Variants in MACROD2 observed in about 807,000 individuals in gnomAD.
MACROD2 encodes the protein ADP-ribose glycohydrolase MACROD2.
A neutral mutation model predicts 70.4 loss-of-function variants in MACROD2; 36 were observed. That is an observed-to-expected ratio of 0.51 (90% CI 0.39 to 0.68). The LOEUF (loss-of-function observed/expected upper bound fraction) is 0.68, where lower values mean the gene tolerates loss of function less well. Ranked by LOEUF, MACROD2 falls within the 30% of genes least tolerant of loss-of-function variation. The probability of loss-of-function intolerance (pLI) is 0.00; values close to 1 mark genes in which losing one functional copy is unlikely to be tolerated. For missense variants in MACROD2, 496 were observed against 538.4 expected, an observed-to-expected ratio of 0.92 and a Z score of 0.78; for synonymous variants, 172 against 178.8, an observed-to-expected ratio of 0.96 and a Z score of 0.30.
intron 8 of MACROD2, among the ~76,000 whole-genome samples, chr20:15,797,483 A>G (rs548047034): frequency 1.3e-5 from 2 of 152,236 alleles, no homozygotes; most frequent in South Asian, 4.1e-4. Flanking sequence ...GCCTCCTACC[A>G]GCATCACAAG....
intron 2 of MACROD2, among the ~76,000 whole-genome samples, chr20:14,060,692 A>G (rs930073204): frequency 5.3e-5 from 8 of 152,102 alleles, no homozygotes; most frequent in African/African-American, 1.4e-4. Flanking sequence ...CACTTATGCT[A>G]TTATGTTATT....
intron 3 of MACROD2, among the ~76,000 whole-genome samples, chr20:14,379,416 T>C (rs2083401759): frequency 6.6e-6 from 1 of 152,156 alleles, no homozygotes; most frequent in Admixed American, 6.5e-5. Flanking sequence ...ATTCGATGGG[T>C]TTTTGTTCAT....
At chr20:14,125,500 A>T (rs1278565878) in intron 3 of MACROD2, among the ~76,000 whole-genome samples, 1 of 152,164 alleles carries the variant, frequency 6.6e-6, no homozygotes, top group East Asian at 1.9e-4. Context: ...TTCAGTAAAG[A>T]TAAACAAAAA....
chr20:14,567,654 A>G (rs1386837952), intron 4 of MACROD2, among the ~76,000 whole-genome samples: 1 of 152,040 alleles, frequency 6.6e-6, no homozygotes, highest in Non-Finnish European at 1.5e-5. Flanking sequence ...CTCCTCCTTT[A>G]AAGTGTATTG....
intron 6 of MACROD2, among the ~76,000 whole-genome samples, chr20:15,302,381 C>T (rs63419061): frequency 2.7e-4 from 2 of 7,328 alleles, no homozygotes; most frequent in Admixed American, 1.8e-3. Flanking sequence ...CACACACACA[C>T]ATACACACAT....
chr20:15,401,141 C>T (rs893045902), intron 6 of MACROD2, among the ~76,000 whole-genome samples: 3 of 151,938 alleles, frequency 2.0e-5, no homozygotes, highest in Admixed American at 6.6e-5. Context: ...AGGTTCACGC[C>T]ATTCTCCTGC....
intron 4 of MACROD2, among the ~76,000 whole-genome samples, chr20:14,660,995 A>C (rs1169537155): frequency 6.6e-6 from 1 of 152,124 alleles, no homozygotes; most frequent in South Asian, 2.1e-4. Flanking sequence ...TATTGTGAAT[A>C]GTGCTGGGGT....
chr20:15,589,360 T>G (rs1048644774), intron 8 of MACROD2, among the ~76,000 whole-genome samples: 13 of 152,184 alleles, frequency 8.5e-5, no homozygotes, highest in African/African-American at 2.9e-4. Context: ...TTTATAAAAT[T>G]TTGTTAATAA....
At chr20:15,304,508 G>T (rs1015804329) in intron 6 of MACROD2, among the ~76,000 whole-genome samples, 2 of 152,168 alleles carry the variant, frequency 1.3e-5, no homozygotes, top group Non-Finnish European at 2.9e-5. Flanking sequence ...TCTTCAAACA[G>T]CCTGATCAAC....
At chr20:14,562,569 A>G (rs1021853613) in intron 4 of MACROD2, among the ~76,000 whole-genome samples, 1 of 151,880 alleles carries the variant, frequency 6.6e-6, no homozygotes, top group African/African-American at 2.4e-5. Flanking sequence ...TGGCAACAAA[A>G]ATGAGGCCTA....
At chr20:15,120,938 C>G (rs908938440) in intron 5 of MACROD2, among the ~76,000 whole-genome samples, 1 of 152,170 alleles carries the variant, frequency 6.6e-6, no homozygotes, top group Non-Finnish European at 1.5e-5. Context: ...ACCATTAACA[C>G]CATACCTGTA....
chr20:14,584,616 T>G (rs1049954026), intron 4 of MACROD2, among the ~76,000 whole-genome samples: 1 of 152,142 alleles, frequency 6.6e-6, no homozygotes, highest in Non-Finnish European at 1.5e-5. Flanking sequence ...AAGGCCCCAC[T>G]TCCAAATACC....
chr20:14,790,354 A>G, intron 5 of MACROD2, among the ~76,000 whole-genome samples: 1 of 152,044 alleles, frequency 6.6e-6, no homozygotes, highest in South Asian at 2.1e-4. Flanking sequence ...AAGTATAGGT[A>G]GTGTGTTTTT....
chr20:15,863,608 G>A (rs1327194657), intron 9 of MACROD2, among the ~76,000 whole-genome samples: 1 of 152,202 alleles, frequency 6.6e-6, no homozygotes, highest in Non-Finnish European at 1.5e-5. Context: ...GCTACTGTGA[G>A]CATTGTTGGT....
intron 5 of MACROD2, among the ~76,000 whole-genome samples, chr20:15,125,711 T>C (rs2076061449): frequency 6.6e-6 from 1 of 152,062 alleles, no homozygotes; most frequent in African/African-American, 2.4e-5. Flanking sequence ...TTACATATAG[T>C]AATACTCACC....
chr20:15,210,972 T>C (rs1244434474), intron 5 of MACROD2, among the ~76,000 whole-genome samples: 4 of 152,210 alleles, frequency 2.6e-5, no homozygotes, highest in Non-Finnish European at 5.9e-5. Context: ...AATACAGCTT[T>C]TTTCAAACGT....
At chr20:15,576,244 A>G (rs1164429566) in intron 8 of MACROD2, among the ~76,000 whole-genome samples, 1 of 152,118 alleles carries the variant, frequency 6.6e-6, no homozygotes, top group Non-Finnish European at 1.5e-5. Flanking sequence ...ATCACCCCCC[A>G]AAAGCACCTG....
chr20:14,868,726 G>T (rs1349594800), intron 5 of MACROD2, among the ~76,000 whole-genome samples: 2 of 152,034 alleles, frequency 1.3e-5, no homozygotes, highest in Non-Finnish European at 2.9e-5. Flanking sequence ...ACATATTACA[G>T]ATCACATTCT....
chr20:15,370,503 T>G (rs909402565), intron 6 of MACROD2, among the ~76,000 whole-genome samples: 4 of 152,122 alleles, frequency 2.6e-5, no homozygotes, highest in African/African-American at 7.2e-5. Flanking sequence ...TTTTATTTTC[T>G]ATATCATTTT....
Sources: gnomAD v4.1 joint callset for allele counts (sites outside exome capture counted in the v4.1 genomes callset) on GRCh38, gnomAD v4.1.1 for gene constraint, MANE v1.5 for transcripts, NCBI Gene and HGNC (gene_info 2026-07-23, HGNC 2026-07-21) for gene names.